ZNF654: variants seen among roughly 807,000 people sequenced by gnomAD.
ZNF654 encodes zinc finger protein 654, also known as melanoma-associated antigen.
A neutral mutation model predicts 95.3 loss-of-function variants in ZNF654; 19 were observed. The ratio of observed to expected loss-of-function variants is 0.20; its 90% CI spans 0.14 to 0.29. ZNF654 has a LOEUF of 0.29. Ranked by LOEUF, ZNF654 falls within the 10% of genes least tolerant of loss-of-function variation. The pLI is 1.00. For missense variants in ZNF654, 1,046 were observed against 1,341.0 expected, an observed-to-expected ratio of 0.78 and a Z score of 3.44; for synonymous variants, 413 against 457.9, an observed-to-expected ratio of 0.90 and a Z score of 1.25.
At chr3:88,124,296 G>T (rs1044180253) in intron 3 of ZNF654, among the ~76,000 whole-genome samples, 1 of 152,154 alleles carries the variant, frequency 6.6e-6, no homozygotes, top group Non-Finnish European at 1.5e-5. Context: ...GAGCAGAGAG[G>T]TTAAGTAACT....
At chr3:88,085,158 G>T (rs1233162905) in intron 1 of ZNF654, among the ~76,000 whole-genome samples, 9 of 152,158 alleles carry the variant, frequency 5.9e-5, no homozygotes, top group African/African-American at 1.9e-4. Flanking sequence ...AGTCTTTTGG[G>T]CTCTGAGTGT....
chr3:88,102,769 A>G (rs1353105962), intron 2 of ZNF654, among the ~76,000 whole-genome samples: 1 of 149,740 alleles, frequency 6.7e-6, no homozygotes, highest in Non-Finnish European at 1.5e-5. Context: ...AGAAGAAAAG[A>G]CATGCCTCTT....
chr3:88,130,442 T>G (rs1216783711), intron 6 of ZNF654, among the ~76,000 whole-genome samples: 1 of 152,004 alleles, frequency 6.6e-6, no homozygotes, highest in Non-Finnish European at 1.5e-5. Context: ...TATTCTTGGT[T>G]ATTTTTTGTT....
At chr3:88,137,892 G>T (rs949440875) in intron 7 of ZNF654, among the ~76,000 whole-genome samples, 8 of 151,712 alleles carry the variant, frequency 5.3e-5, no homozygotes, top group African/African-American at 1.7e-4. Flanking sequence ...TAGGCAGTAT[G>T]ATATATATAC....
At chr3:88,078,528 T>C (rs560404507) in intron 1 of ZNF654, among the ~76,000 whole-genome samples, 2 of 152,278 alleles carry the variant, frequency 1.3e-5, no homozygotes, top group African/African-American at 4.8e-5. Flanking sequence ...GGGGCAAATA[T>C]TCTGTTTTCC....
chr3:88,091,188 G>A (rs4858997), intron 2 of ZNF654, among the ~76,000 whole-genome samples: 119,124 of 152,074 alleles, frequency 0.78, 47,577 homozygotes, highest in South Asian at 0.91. Flanking sequence ...ACATATCCCT[G>A]TCGTTAAGCA....
intron 2 of ZNF654, among the ~76,000 whole-genome samples, chr3:88,099,288 C>G (rs1370261336): frequency 6.6e-6 from 1 of 152,074 alleles, no homozygotes; most frequent in African/African-American, 2.4e-5. Flanking sequence ...TGTGAAGGAC[C>G]TCTTCAAGGA....
At chr3:88,060,244 A>G (rs1706789982) in intron 1 of ZNF654, among the ~76,000 whole-genome samples, 2 of 152,072 alleles carry the variant, frequency 1.3e-5, no homozygotes, top group Non-Finnish European at 2.9e-5. Context: ...TTCAATATAT[A>G]ATGTATTTTA....
intron 2 of ZNF654, among the ~76,000 whole-genome samples, chr3:88,087,280 G>C (rs1445056759): frequency 1.3e-5 from 2 of 151,714 alleles, no homozygotes; most frequent in Non-Finnish European, 2.9e-5. Context: ...GTTTCACCGT[G>C]TTGGCCAGGC....
chr3:88,140,156 G>T lies in ZNF654; in HGVS notation c.2487G>T (p.Pro829=), dbSNP rs780101740. 1.9e-6 allele frequency: 3 copies of T among 1,613,288 alleles called. No individual in the cohort carries two copies. The highest frequency in any genetic ancestry group is 2.2e-5 in the South Asian group (2 of 91,022). ...ATTGCAACGAGTCGTTTAAGCTGCC[G>T]TTCCAGCTTGCCCAGCACACAAAAA... ...HFNCNESFKL[P]FQLAQHTKSH... Residue 829 remains proline (P), a synonymous_variant, in exon 8 of 9, where the codon CCG becomes CCT. Transcript: ENST00000636215.
intron 2 of ZNF654, among the ~76,000 whole-genome samples, chr3:88,111,491 G>T (rs1705086169): frequency 6.6e-6 from 1 of 151,220 alleles, no homozygotes; most frequent in East Asian, 1.9e-4. Context: ...AATATATCTT[G>T]GAATTTTTTA....
At chr3:88,069,224 C>A (rs1203586804) in intron 1 of ZNF654, among the ~76,000 whole-genome samples, 1 of 152,134 alleles carries the variant, frequency 6.6e-6, no homozygotes, top group Non-Finnish European at 1.5e-5. Flanking sequence ...GAGCTCAAGA[C>A]CAGCCTGGCC....
intron 4 of ZNF654, among the ~76,000 whole-genome samples, chr3:88,127,693 A>G (rs901341729): frequency 6.6e-6 from 1 of 152,110 alleles, no homozygotes; most frequent in African/African-American, 2.4e-5. Context: ...TCTAGAATAA[A>G]CCTGTTGTTC....
chr3:88,125,166 G>A lies in ZNF654; in HGVS notation c.415-968G>A, dbSNP rs1480810510. On this transcript the variant is annotated intron_variant, in intron 3 of 8. Coordinates refer to ENST00000636215, the MANE Select transcript of ZNF654 (RefSeq NM_001350134.2). ...GGAGGCAGAGGTTGCAGTGAGCCAAGATCGTGCCACTGCACTCCAGCCTGG... is the reference window on the plus strand; with the variant it reads ...GGAGGCAGAGGTTGCAGTGAGCCAAAATCGTGCCACTGCACTCCAGCCTGG... Among the ~76,000 whole-genome samples the A allele has an allele frequency of 2.0e-5, 3 of 150,704 alleles. No individual in the cohort carries two copies. In the East Asian group the frequency reaches 5.9e-4, roughly 29 times the overall value.
intron 7 of ZNF654, among the ~76,000 whole-genome samples, chr3:88,137,982 A>G (rs1706900155): frequency 6.6e-6 from 1 of 152,124 alleles, no homozygotes. Flanking sequence ...ACCACTAGAG[A>G]CACTATTATA....
intron 1 of ZNF654, among the ~76,000 whole-genome samples, chr3:88,084,619 G>T (rs1441167004): frequency 6.6e-6 from 1 of 152,180 alleles, no homozygotes; most frequent in Non-Finnish European, 1.5e-5. Flanking sequence ...TTGGAAAGAT[G>T]TGTGAGTACC....
intron 2 of ZNF654, among the ~76,000 whole-genome samples, chr3:88,105,458 C>G (rs982418807): frequency 1.3e-5 from 2 of 152,156 alleles, no homozygotes; most frequent in East Asian, 3.9e-4. Context: ...TGTTTCCATT[C>G]TTTTCCTGTT....
intron 4 of ZNF654, among the ~76,000 whole-genome samples, chr3:88,127,917 A>G (rs1442162351): frequency 6.6e-6 from 1 of 152,220 alleles, no homozygotes; most frequent in Non-Finnish European, 1.5e-5. Flanking sequence ...TTTGCATATC[A>G]TATATTGTAA....
rs1167377025 is a variant in ZNF654 at position 88,126,217 on chromosome 3, A to C, written c.498A>C (p.Glu166Asp). Residue 166 changes from glutamate (E) to aspartate (D), a missense_variant, in exon 4 of 9, where the codon GAA becomes GAC. Glu to Asp is a conservative substitution (Grantham distance 45, BLOSUM62 2). This residue lies in a region of ZNF654 where 91 missense variants were observed against 190.5 expected (regional missense o/e 0.48). Transcript: ENST00000636215. ...TCATTAGAGATGGTGGCCCATGGGAAGATCCAGTGTTGCAAGCTGTCCTTA... is the reference window on the plus strand; with the variant it reads ...TCATTAGAGATGGTGGCCCATGGGACGATCCAGTGTTGCAAGCTGTCCTTA... ...TRIIRDGGPW[E>D]DPVLQAVLKA... 1 of 1,530,932 alleles carries C rather than the reference A, an allele frequency of 6.5e-7. No individual in the cohort carries two copies. The highest frequency in any genetic ancestry group is 8.7e-7 in the Non-Finnish European group (1 of 1,143,488). 94.8% of individuals were successfully genotyped at this position (1,530,932 alleles called of 1,614,324 possible). A position where few individuals can be genotyped will look rare whatever the true frequency, so the allele number is the denominator to read the frequency against.
Sources: gnomAD v4.1 joint callset for allele counts (sites outside exome capture counted in the v4.1 genomes callset) on GRCh38, gnomAD v4.1.1 for gene constraint, gnomAD v4.1.1 regional missense constraint, MANE v1.5 for transcripts, NCBI Gene and HGNC (gene_info 2026-07-23, HGNC 2026-07-21) for gene names.